Variants in INTS14 observed in about 807,000 individuals in gnomAD.
INTS14 encodes UPF0464 protein C15orf44.
Under a neutral mutation model 56.9 loss-of-function variants are expected in INTS14, and 27 were observed. The ratio of observed to expected loss-of-function variants is 0.47; its 90% confidence interval spans 0.35 to 0.65. The LOEUF (loss-of-function observed/expected upper bound fraction) is 0.65, where lower values mean the gene tolerates loss of function less well. Ranked by LOEUF, INTS14 falls within the 30% of genes least tolerant of loss-of-function variation. The pLI, the probability that INTS14 is intolerant of heterozygous loss-of-function variation, is 0.00. For missense variants in INTS14, 517 were observed against 632.2 expected (o/e 0.82, Z 1.95); for synonymous variants, 207 against 236.2 (o/e 0.88, Z 1.13).
At chr15:65,591,862 A>G in intron 8 of INTS14, 131 bp from the exon 9 acceptor site, 1 of 988,058 alleles carries the variant, frequency 1.0e-6, no homozygotes, top group Non-Finnish European at 1.4e-6. Context: ...TACTTTTACC[A>G]AAGCCAAACC....
At chr15:65,588,459 G>T (rs1345061250) in intron 9 of INTS14, among the ~76,000 whole-genome samples, 1 of 151,716 alleles carries the variant, frequency 6.6e-6, no homozygotes, top group Non-Finnish European at 1.5e-5. Flanking sequence ...GAGGTCAGGA[G>T]TTTGAGACCA....
intron 3 of INTS14, among the ~76,000 whole-genome samples, chr15:65,603,257 A>G (rs886490736): frequency 3.3e-5 from 5 of 152,254 alleles, no homozygotes; most frequent in African/African-American, 1.2e-4. Flanking sequence ...GGTTTTCACA[A>G]GAAAAAATGT....
At chr15:65,610,651 A>G in intron 1 of INTS14, 1 of 1,532,098 alleles carries the variant, frequency 6.5e-7, no homozygotes, top group South Asian at 1.2e-5. Context: ...TCTCGCTCTC[A>G]AAGCAGGATT....
chr15:65,579,599 C>T lies in INTS14; in HGVS notation c.1366G>A (p.Val456Met). The change falls in exon 12 of 12, where the codon GTG becomes ATG. Residue 456 changes from valine (V) to methionine (M), a missense_variant. Physicochemically the swap from Val to Met is conservative, Grantham distance 21. Transcript: ENST00000313182. The part of the protein sequence containing the change: ...AFGFLDLLKG[V>M]ADMLERECTL... ...CATTCCCTTTCCAGCATGTCAGCCACCCCTTTCAGCAGGTCCAGGAAACCA... is the reference window on the plus strand; with the variant it reads ...CATTCCCTTTCCAGCATGTCAGCCATCCCTTTCAGCAGGTCCAGGAAACCA... The T allele has an allele frequency of 1.9e-6, 3 of 1,614,184 alleles. No homozygotes were observed. Among genetic ancestry groups the T allele is most frequent in the Non-Finnish European group, 2.5e-6 (3 of 1,180,028 alleles).
intron 9 of INTS14, among the ~76,000 whole-genome samples, chr15:65,591,321 AG>A (rs1371376150): frequency 6.6e-6 from 1 of 152,242 alleles, no homozygotes; most frequent in Non-Finnish European, 1.5e-5. Context: ...TAGTACACCA[AG>A]AAAAAAAATT....
At chr15:65,592,678 A>G (rs191556179) in intron 8 of INTS14, among the ~76,000 whole-genome samples, 2 of 152,320 alleles carry the variant, frequency 1.3e-5, no homozygotes, top group Admixed American at 1.3e-4. Context: ...TAAATGTGCT[A>G]ACATATGTAA....
intron 11 of INTS14, among the ~76,000 whole-genome samples, chr15:65,580,223 C>T (rs2072546638): frequency 6.6e-6 from 1 of 152,166 alleles, no homozygotes; most frequent in Admixed American, 6.5e-5. Context: ...TATATAGCCT[C>T]TCTGGGTCTC....
intron 5 of INTS14, 72 bp from the exon 6 acceptor site, chr15:65,598,535 G>T: frequency 6.8e-7 from 1 of 1,468,874 alleles, no homozygotes; most frequent in South Asian, 1.3e-5. Flanking sequence ...CAGGACGCAA[G>T]GGTTGTTTTC....
intron 11 of INTS14, among the ~76,000 whole-genome samples, chr15:65,581,516 C>T (rs1253948226): frequency 7.3e-6 from 1 of 136,112 alleles, no homozygotes; most frequent in Admixed American, 7.9e-5. Context: ...CCACGACACT[C>T]CAGCCTGGGC....
intron 9 of INTS14, among the ~76,000 whole-genome samples, chr15:65,588,590 C>T (rs552306487): frequency 6.6e-6 from 1 of 151,570 alleles, no homozygotes; most frequent in East Asian, 1.9e-4. Flanking sequence ...ATTGCTTGAA[C>T]CTGGGAGGTG....
chr15:65,591,464 A>C (rs1443826432), intron 9 of INTS14, 134 bp downstream of exon 9: 9 of 1,186,928 alleles, frequency 7.6e-6, no homozygotes, highest in Non-Finnish European at 9.2e-6. Flanking sequence ...TTCACCGTAC[A>C]CATCCAGCAT....
chr15:65,607,330 C>G lies in INTS14; in HGVS notation c.51G>C (p.Val17=), dbSNP rs1337298863. ...GGTATTCCTCGGACCCCTCAATAGA[C>G]ACAGGTCGGGTCATGGAAAGGGATA... ...MDVSLSMTRP[V]SIEGSEEYQR... Residue 17 remains valine, a synonymous_variant, in exon 2 of 12, where the codon GTG becomes GTC. Transcript: ENST00000313182. 3.1e-6 allele frequency: 5 copies of G among 1,614,052 alleles called. No homozygotes were observed. The highest frequency in any genetic ancestry group is 4.2e-6 in the Non-Finnish European group (5 of 1,180,048).
chr15:65,594,556 G>GTTTT (rs777652735), intron 7 of INTS14, among the ~76,000 whole-genome samples: 1 of 126,870 alleles, frequency 7.9e-6, no homozygotes, highest in Non-Finnish European at 1.7e-5. Context: ...CTACGCCCAG[G>GTTTT]TTTTTTTTTT....
In INTS14 at chr15:65,599,756, C is replaced by T. The variant is rs749609034; in HGVS notation, c.486+18G>A. 3.1e-6 allele frequency: 5 copies of T among 1,609,856 alleles called. No individual in the cohort carries two copies. The African/African-American group carries it at 6.7e-5, about 22-fold the overall frequency. On this transcript the variant is annotated intron_variant, in intron 4 of 11. Coordinates refer to ENST00000313182, the MANE Select transcript of INTS14 (RefSeq NM_001394796.1). ...AAAATATGCCTAATCAAACTAAAAA[C>T]TTAGCAAAAGGTATTACCTCCTCCA...
chr15:65,580,546 A>G (rs1030360521), intron 11 of INTS14, among the ~76,000 whole-genome samples: 2 of 152,094 alleles, frequency 1.3e-5, no homozygotes, highest in African/African-American at 4.8e-5. Flanking sequence ...CTCCAGTTGA[A>G]CTCTTGATTA....
In INTS14 at chr15:65,598,431, T is replaced by C. The variant is rs1395499949; in HGVS notation, c.638A>G (p.His213Arg). The C allele has an allele frequency of 3.1e-6, 5 of 1,614,026 alleles. No homozygotes were observed. Among genetic ancestry groups the C allele is most frequent in the Admixed American group, 1.7e-5 (1 of 60,026 alleles). Residue 213 changes from histidine to arginine, a missense_variant, in exon 6 of 12, where the codon CAT becomes CGT. His to Arg is a conservative substitution (Grantham distance 29). Transcript: ENST00000313182. The stretch of plus-strand genomic sequence containing the variant: ...TAGGTGGCCACACTTGAGAACAGCA[T>C]GGAAAGGCGTATATGCCAAATCTAT... ...KLIDLAYTPF[H>R]AVLKCGHLTA...
chr15:65,594,471 C>A (rs1350346634), intron 7 of INTS14, among the ~76,000 whole-genome samples: 2 of 151,006 alleles, frequency 1.3e-5, no homozygotes, highest in South Asian at 4.2e-4. Flanking sequence ...CGGCTCACTG[C>A]AAACTCCGCC....
At chr15:65,605,105 C>G in intron 3 of INTS14, 24 bp downstream of exon 3, 1 of 1,558,426 alleles carries the variant, frequency 6.4e-7, no homozygotes, top group Non-Finnish European at 8.9e-7. Context: ...TAACTTAGGG[C>G]AATGAAAAAG....
At position 65,595,747 on chromosome 15, in the gene INTS14, A is replaced by G. The variant is rs1218427737; in HGVS notation, c.827T>C (p.Ile276Thr). ...TAGGAACTCACCTTTGTTAAGTGCT[A>G]TAGGTAAGACCAGATGTCTGGACAG... ...PVLSRHLVLP[I>T]ALNKEGDEVG... Residue 276 changes from isoleucine to threonine, a missense_variant, in exon 7 of 12, where the codon ATA (isoleucine) becomes ACA (threonine). Physicochemically the swap from Ile to Thr is moderately conservative, Grantham distance 89. Coordinates refer to ENST00000313182, the MANE Select transcript of INTS14 (RefSeq NM_001394796.1). 3 of 1,609,214 alleles carry G rather than the reference A, an allele frequency of 1.9e-6. No homozygotes were observed. In the East Asian group the frequency reaches 6.7e-5, roughly 36 times the overall value.
Sources: gnomAD v4.1 joint callset for allele counts (sites outside exome capture counted in the v4.1 genomes callset) on GRCh38, gnomAD v4.1.1 for gene constraint, MANE v1.5 for transcripts, NCBI Gene and HGNC (gene_info 2026-07-23, HGNC 2026-07-21) for gene names.